Variants in F9 observed in about 807,000 individuals in gnomAD.
F9 encodes the protein coagulation factor IX.
Under a neutral mutation model 34.1 loss-of-function variants are expected in F9, and 2 were observed. The observed-to-expected ratio is 0.06, with a 90% CI of 0.02 to 0.18. The LOEUF (loss-of-function observed/expected upper bound fraction) is 0.18, where lower values mean the gene tolerates loss of function less well. Among genes scored for constraint, F9 ranks in the 10% least tolerant of loss-of-function variants. The probability of loss-of-function intolerance (pLI) is 1.00; values close to 1 mark genes in which losing one functional copy is unlikely to be tolerated. For synonymous variants in F9, 137 were observed against 118.8 expected (o/e 1.15, Z -1.00); for missense variants, 216 against 345.1 (o/e 0.63, Z 2.96).
chrX:139,542,550 CATT>C (rs1024032778), intron 4 of F9, among the ~76,000 whole-genome samples: 13 of 112,043 alleles, frequency 1.2e-4, no homozygotes, highest in Admixed American at 9.5e-4. Flanking sequence ...AGTAGTTACT[CATT>C]ATCAGCTTAA....
At chrX:139,531,560 T>A (rs1435513035) in intron 1 of F9, among the ~76,000 whole-genome samples, 2 of 112,426 alleles carry the variant, frequency 1.8e-5, no homozygotes, top group Non-Finnish European at 3.8e-5. Flanking sequence ...AGAATTGACA[T>A]AAAGAGTAGG....
chrX:139,545,572 T>C (rs1222061410), intron 4 of F9, among the ~76,000 whole-genome samples: 1 of 111,786 alleles, frequency 8.9e-6, no homozygotes, highest in African/African-American at 3.2e-5. Context: ...AAGTGATACC[T>C]AAAATAAAAT....
chrX:139,545,648 C>A (rs1927699477), intron 4 of F9, among the ~76,000 whole-genome samples: 1 of 111,562 alleles, frequency 9.0e-6, no homozygotes, highest in Non-Finnish European at 1.9e-5. Flanking sequence ...CAAAAAGAAA[C>A]TAGCAAAGCA....
intron 6 of F9, among the ~76,000 whole-genome samples, chrX:139,557,677 T>C (rs1394096387): frequency 1.8e-5 from 2 of 112,608 alleles, no homozygotes; most frequent in African/African-American, 6.5e-5. Flanking sequence ...CTTAAACAAA[T>C]ATGTTCAGTT....
At chrX:139,550,686 A>T (rs1927819040) in intron 5 of F9, among the ~76,000 whole-genome samples, 1 of 111,793 alleles carries the variant, frequency 8.9e-6, no homozygotes, top group Non-Finnish European at 1.9e-5. Flanking sequence ...TTAAAGTTAC[A>T]AAGCATCAAT....
Position 139,563,285 on chromosome X carries a change from C to T in F9, c.*1214C>T, listed in dbSNP as rs1569333482. The stretch of plus-strand genomic sequence containing the variant: ...CCGAAGTGGAGAAGGGTGCAGCAGG[C>T]TCAAAGGCATAAGTCATTCCAATCA... On this transcript the variant is annotated 3_prime_UTR_variant, in exon 8 of 8. Coordinates refer to ENST00000218099, the MANE Select transcript of F9 (RefSeq NM_000133.4). 9.0e-6 allele frequency: 1 copy of T among 110,883 alleles called. No homozygotes were observed. Among genetic ancestry groups the T allele is most frequent in the Non-Finnish European group, 1.9e-5 (1 of 53,010 alleles). The allele number at this position is 110,883 out of a possible 1,213,427, so 9.1% of individuals were successfully genotyped here.
intron 4 of F9, among the ~76,000 whole-genome samples, chrX:139,543,560 T>C (rs1927652390): frequency 3.6e-5 from 4 of 112,580 alleles, no homozygotes; most frequent in Admixed American, 1.9e-4. Context: ...ATGTTGAGTT[T>C]AGCTGAAGCA....
chrX:139,535,657 AC>A (rs1927442393), intron 1 of F9, among the ~76,000 whole-genome samples: 1 of 111,007 alleles, frequency 9.0e-6, no homozygotes, highest in East Asian at 2.8e-4. Context: ...ATATTGCTAG[AC>A]CCTTGAAGAA....
chrX:139,536,712 G>A, intron 1 of F9, among the ~76,000 whole-genome samples: 1 of 112,037 alleles, frequency 8.9e-6, no homozygotes, highest in Admixed American at 9.5e-5. Flanking sequence ...GACAAAGTGT[G>A]AAGTTAACCG....
rs1162117653 is a variant in F9, at chrX:139,562,567, T to A, written c.*496T>A. Reference sequence around the variant, plus strand: ...AGAGGCTAAAACTCATCAAAAACACTACTCCTTTTCCTCTACCCTATTCCT... The same window carrying A: ...AGAGGCTAAAACTCATCAAAAACACAACTCCTTTTCCTCTACCCTATTCCT... On this transcript the variant is annotated 3_prime_UTR_variant, in exon 8 of 8. Transcript: ENST00000218099. 8.7e-6 allele frequency: 1 copy of A among 114,621 alleles called. No homozygotes were observed. Among genetic ancestry groups the A allele is most frequent in the Non-Finnish European group, 1.8e-5 (1 of 55,117 alleles). 9.4% of individuals were successfully genotyped at this position (114,621 alleles called of 1,213,427 possible). A position where few individuals can be genotyped will look rare whatever the true frequency, so the allele number is the denominator to read the frequency against.
At chrX:139,551,740 A>G (rs4149713) in intron 6 of F9, among the ~76,000 whole-genome samples, 4,124 of 111,668 alleles carry the variant, frequency 0.037, 204 homozygotes, top group African/African-American at 0.13. Flanking sequence ...TTGATCTACC[A>G]CTATAGTTCT....
At chrX:139,534,977 C>T (rs1927423025) in intron 1 of F9, among the ~76,000 whole-genome samples, 1 of 111,493 alleles carries the variant, frequency 9.0e-6, no homozygotes. Context: ...CAGATGGCTG[C>T]TCCAATTTAG....
intron 6 of F9, among the ~76,000 whole-genome samples, chrX:139,554,132 C>T (rs1460242260): frequency 1.8e-5 from 2 of 110,397 alleles, no homozygotes; most frequent in Admixed American, 9.6e-5. Context: ...GTGGTTGTTC[C>T]GGGAGGGAGA....
intron 3 of F9, among the ~76,000 whole-genome samples, chrX:139,539,957 A>C (rs373480695): frequency 8.9e-6 from 1 of 111,824 alleles, no homozygotes; most frequent in African/African-American, 3.2e-5. Context: ...CCAGATGTCA[A>C]GGAGATTTGC....
At chrX:139,556,778 C>G in intron 6 of F9, among the ~76,000 whole-genome samples, 1 of 112,282 alleles carries the variant, frequency 8.9e-6, no homozygotes, top group Non-Finnish European at 1.9e-5. Context: ...GTGAGCATCC[C>G]ATCTGTTCCC....
chrX:139,557,755 T>A lies in F9; in HGVS notation c.724-2986T>A, dbSNP rs768677380. Among the ~76,000 whole-genome samples the A allele has an allele frequency of 9.7e-5, 11 of 113,141 alleles. No individual in the cohort carries two copies. The South Asian group carries it at 1.8e-3, about 19-fold the overall frequency. On this transcript the variant is annotated intron_variant, in intron 6 of 7. Coordinates refer to ENST00000218099, the MANE Select transcript of F9 (RefSeq NM_000133.4). ...ATTGATGCTGACAATCAATTGGAGTTACAGCCAGACACATGGTCTTATGAC... is the reference window on the plus strand; with the variant it reads ...ATTGATGCTGACAATCAATTGGAGTAACAGCCAGACACATGGTCTTATGAC...
At position 139,561,552 on chromosome X, in the gene F9, T is replaced by C; in HGVS notation, c.867T>C (p.His289=). The change falls in exon 8 of 8, where the codon CAT becomes CAC. Residue 289 remains histidine, a synonymous_variant. Transcript: ENST00000218099. ...AACATAATATTGAGGAGACAGAACATACAGAGCAAAAGCGAAATGTGATTC... is the reference window on the plus strand; with the variant it reads ...AACATAATATTGAGGAGACAGAACACACAGAGCAAAAGCGAAATGTGATTC... ...AGEHNIEETE[H]TEQKRNVIRI... 8.3e-7 allele frequency: 1 copy of C among 1,208,140 alleles called. No homozygotes were observed. The highest frequency in any genetic ancestry group is 1.1e-6 in the Non-Finnish European group (1 of 893,199).
chrX:139,533,026 G>A (rs1371107420), intron 1 of F9, among the ~76,000 whole-genome samples: 3 of 111,553 alleles, frequency 2.7e-5, no homozygotes, highest in Non-Finnish European at 5.6e-5. Context: ...TGATAGTGGG[G>A]GAGGGGGCCG....
At chrX:139,545,665 A>G (rs1183412230) in intron 4 of F9, among the ~76,000 whole-genome samples, 1 of 111,890 alleles carries the variant, frequency 8.9e-6, no homozygotes, top group Non-Finnish European at 1.9e-5. Flanking sequence ...AGCAATCTTA[A>G]TATCAGACAA....
Sources: allele counts gnomAD v4.1 joint callset (sites outside exome capture counted in the v4.1 genomes callset), GRCh38; gene constraint gnomAD v4.1.1; transcripts MANE v1.5; gene names NCBI Gene and HGNC (gene_info 2026-07-23, HGNC 2026-07-21).